Variants in ENKUR observed in about 807,000 individuals in gnomAD.
The protein encoded by ENKUR is enkurin.
In ENKUR, 19 loss-of-function variants were observed where a neutral mutation model predicts 27.6. The observed-to-expected ratio is 0.69, with a 90% CI of 0.48 to 1.01. The LOEUF is 1.01. Among genes scored for constraint, ENKUR ranks in the 50% least tolerant of loss-of-function variants. The pLI is 0.00. For synonymous variants in ENKUR, 117 were observed against 96.9 expected (o/e 1.21, Z -1.22); for missense variants, 312 against 310.5 (o/e 1.00, Z -0.04).
intron 3 of ENKUR, 95 bp downstream of exon 3, chr10:24,995,551 G>A: frequency 9.1e-7 from 1 of 1,096,676 alleles, no homozygotes; most frequent in Non-Finnish European, 1.3e-6. Flanking sequence ...TGTGTCCAAT[G>A]AGAGCACTAA....
upstream of ENKUR, among the ~76,000 whole-genome samples, chr10:25,017,047 CCTTGGGCGGTCCTCCGGGTCGGCT>C (rs1850608621): frequency 1.3e-5 from 2 of 152,216 alleles, no homozygotes; most frequent in African/African-American, 4.8e-5. Context: ...CGGGACCGCC[CCTTGGGCGGTCCTCCGGGTCGGCT>C]CTGCGCCTGC....
intron 4 of ENKUR, among the ~76,000 whole-genome samples, chr10:24,987,768 G>A (rs1849811334): frequency 6.6e-6 from 1 of 152,060 alleles, no homozygotes; most frequent in Admixed American, 6.5e-5. Context: ...AGTCCCTATT[G>A]ATGTACTTGA....
chr10:25,054,332 G>C (rs1483510912), intron 2 of ENKUR, among the ~76,000 whole-genome samples: 1 of 152,168 alleles, frequency 6.6e-6, no homozygotes, highest in African/African-American at 2.4e-5. Flanking sequence ...TGAGGCAGGA[G>C]AATCACTTGA....
intron 2 of ENKUR, among the ~76,000 whole-genome samples, chr10:25,039,606 T>C (rs565919486): frequency 7.9e-5 from 12 of 152,242 alleles, no homozygotes; most frequent in Admixed American, 3.9e-4. Flanking sequence ...CACTAAGTGG[T>C]CATTGCTTAT....
chr10:25,059,453 A>G (rs1406869410), intron 2 of ENKUR, among the ~76,000 whole-genome samples: 1 of 152,160 alleles, frequency 6.6e-6, no homozygotes, highest in Admixed American at 6.5e-5. Context: ...TTCTTAGTAT[A>G]GTATTATACT....
At chr10:25,018,611 C>A (rs530663123), upstream of ENKUR, among the ~76,000 whole-genome samples, 46 of 151,228 alleles carry the variant, frequency 3.0e-4, 1 homozygote, top group African/African-American at 1.0e-3. Flanking sequence ...GATCCTAGAT[C>A]CCCGTATATA....
intron 1 of ENKUR, among the ~76,000 whole-genome samples, chr10:25,009,236 C>T (rs1047470042): frequency 6.6e-6 from 1 of 151,314 alleles, no homozygotes; most frequent in Non-Finnish European, 1.5e-5. Flanking sequence ...GCATATGTAC[C>T]CTAAACCTTA....
Position 25,049,802 on chromosome 10 carries a change from G to A in ENKUR, c.37+11310C>T, listed in dbSNP as rs1033367673. Among the ~76,000 whole-genome samples the A allele has an allele frequency of 3.4e-3, 448 of 132,494 alleles. 1 individual carries two copies. Among genetic ancestry groups the A allele is most frequent in the Middle Eastern group, 7.8e-3 (2 of 256 alleles). 86.9% of individuals were successfully genotyped at this position (132,494 alleles called of 152,430 possible). A position where few individuals can be genotyped will look rare whatever the true frequency, so the allele number is the denominator to read the frequency against. ...CCGTCTCAAAAAAAAAAAAAAAAAA[G>A]ACTTCAAGAATTAAAATTTAAAAAA... On this transcript the variant is annotated intron_variant, in intron 2 of 5. Transcript: ENST00000615958.
At chr10:25,007,533 C>T (rs538145213) in intron 1 of ENKUR, among the ~76,000 whole-genome samples, 9 of 152,292 alleles carry the variant, frequency 5.9e-5, no homozygotes, top group Admixed American at 2.6e-4. Flanking sequence ...CTCCCGGGTT[C>T]ACACCATTCT....
chr10:25,046,295 C>A (rs1362002260), intron 2 of ENKUR, among the ~76,000 whole-genome samples: 1 of 152,152 alleles, frequency 6.6e-6, no homozygotes, highest in Non-Finnish European at 1.5e-5. Context: ...CAGAATTAAT[C>A]TCATGGATTA....
In ENKUR at chr10:24,982,151, T is replaced by A. The variant is rs1280987335; in HGVS notation, c.*2219A>T. On this transcript the variant is annotated 3_prime_UTR_variant, in exon 6 of 6. Transcript: ENST00000331161. ...CAGGCAAATAACCAGATATGCACAA[T>A]ACAATATGACCAGTGCTATAAAGGA... 1 of 152,156 alleles carries A rather than the reference T, an allele frequency of 6.6e-6. No homozygotes were observed. Among genetic ancestry groups the A allele is most frequent in the Non-Finnish European group, 1.5e-5 (1 of 68,050 alleles). 9.4% of individuals were successfully genotyped at this position (152,156 alleles called of 1,614,324 possible).
chr10:25,025,501 A>G, intron 2 of ENKUR: 1 of 1,524,816 alleles, frequency 6.6e-7, no homozygotes, highest in Non-Finnish European at 8.8e-7. Context: ...GCATGCAATA[A>G]TAAATCTCAA....
intron 2 of ENKUR, chr10:25,026,530 T>C (rs936589417): frequency 1.2e-5 from 2 of 166,972 alleles, no homozygotes; most frequent in African/African-American, 4.8e-5. Flanking sequence ...ATTGTCTTTT[T>C]CTGGCAGCTG....
At chr10:25,059,964 G>C (rs569299433) in intron 2 of ENKUR, among the ~76,000 whole-genome samples, 1 of 152,214 alleles carries the variant, frequency 6.6e-6, no homozygotes, top group Non-Finnish European at 1.5e-5. Flanking sequence ...GGGCAGCCTT[G>C]TGTGCGTTCT....
chr10:25,051,081 A>C (rs1033056467), intron 2 of ENKUR, among the ~76,000 whole-genome samples: 2 of 151,336 alleles, frequency 1.3e-5, no homozygotes, highest in East Asian at 4.0e-4. Context: ...GGAACTTACA[A>C]GTTTCTGCAC....
chr10:25,010,463 C>CT (rs1850416015), intron 1 of ENKUR, among the ~76,000 whole-genome samples: 1 of 151,782 alleles, frequency 6.6e-6, no homozygotes, highest in African/African-American at 2.4e-5. Context: ...TATTATTATA[C>CT]TTTAAGTTTT....
chr10:24,999,801 A>T (rs772310299), intron 1 of ENKUR, among the ~76,000 whole-genome samples: 1 of 152,116 alleles, frequency 6.6e-6, no homozygotes, highest in African/African-American at 2.4e-5. Context: ...CATCTGTAGC[A>T]TCGATAGTGA....
At chr10:25,015,044 C>T (rs918046893) in intron 1 of ENKUR, among the ~76,000 whole-genome samples, 10 of 152,122 alleles carry the variant, frequency 6.6e-5, no homozygotes, top group Admixed American at 2.0e-4. Context: ...GACTTGCATA[C>T]GGACAAGGAT....
chr10:25,060,328 C>T (rs965579137), intron 2 of ENKUR, among the ~76,000 whole-genome samples: 1 of 152,210 alleles, frequency 6.6e-6, no homozygotes, highest in African/African-American at 2.4e-5. Context: ...TCTCATAACA[C>T]ACACTCCAAC....
Sources: allele counts gnomAD v4.1 joint callset (sites outside exome capture counted in the v4.1 genomes callset), GRCh38; gene constraint gnomAD v4.1.1; transcripts MANE v1.5; gene names NCBI Gene and HGNC (gene_info 2026-07-23, HGNC 2026-07-21).